The following PGCKA1 variants were observed in gnomAD, a reference collection of about 807,000 sequenced individuals.
The protein encoded by PGCKA1 is PDCD10 and GCKIII kinases associated 1.
At chr4:37,454,280 G>A in the PGCKA1 span, among the ~76,000 whole-genome samples, 13 of 152,086 alleles carry the variant, frequency 8.5e-5, no homozygotes, top group Non-Finnish European at 1.5e-4. Context: ...GGGGGGAGGC[G>A]GACTTTTACA....
the PGCKA1 span, among the ~76,000 whole-genome samples, chr4:37,492,698 C>A: frequency 0.062 from 9,405 of 152,208 alleles, 366 homozygotes; most frequent in Middle Eastern, 0.088. This position sits in a 1 kb window ranked among gnomAD's most constrained non-coding sequence, Gnocchi z 4.7. Flanking sequence ...TGGCCCTCAC[C>A]AAAGGATAAA....
At chr4:37,567,716 G>A in the PGCKA1 span, among the ~76,000 whole-genome samples, 3 of 152,094 alleles carry the variant, frequency 2.0e-5, no homozygotes, top group East Asian at 1.9e-4. Context: ...GGGAGCACCC[G>A]GGTGCCATCA....
chr4:37,455,576 G>A, the PGCKA1 span, among the ~76,000 whole-genome samples: 395 of 152,282 alleles, frequency 2.6e-3, no homozygotes, highest in Non-Finnish European at 4.3e-3. Flanking sequence ...CGGAGATTTA[G>A]ATAAATAATG....
the PGCKA1 span, among the ~76,000 whole-genome samples, chr4:37,538,143 G>T: frequency 6.6e-6 from 1 of 152,042 alleles, no homozygotes; most frequent in Non-Finnish European, 1.5e-5. Context: ...TCTGTTGAGT[G>T]TAACAACTGG....
the PGCKA1 span, chr4:37,590,614 G>A: frequency 9.3e-4 from 1,498 of 1,614,164 alleles, 4 homozygotes; most frequent in Middle Eastern, 4.0e-3. Context: ...ACCAGCCCCA[G>A]ATTACCTTCA....
At chr4:37,459,620 A>G in the PGCKA1 span, among the ~76,000 whole-genome samples, 19 of 152,098 alleles carry the variant, frequency 1.2e-4, no homozygotes, top group Non-Finnish European at 5.9e-5. Context: ...ACCATCTGGG[A>G]GCTTGTTGGA....
the PGCKA1 span, among the ~76,000 whole-genome samples, chr4:37,571,355 C>CATT: frequency 1.0e-4 from 8 of 78,038 alleles, no homozygotes; most frequent in Non-Finnish European, 8.9e-5. Context: ...GACTATTATC[C>CATT]TTTTTTTTTT....
the PGCKA1 span, among the ~76,000 whole-genome samples, chr4:37,536,446 A>G: frequency 6.6e-6 from 1 of 152,152 alleles, no homozygotes; most frequent in Non-Finnish European, 1.5e-5. Context: ...CCTCTAGTTT[A>G]AGGTCTGTCA....
chr4:37,491,348 A>C, the PGCKA1 span, among the ~76,000 whole-genome samples: 1 of 152,340 alleles, frequency 6.6e-6, no homozygotes, highest in East Asian at 1.9e-4. Context: ...CAATTAGAAA[A>C]ATATTCAATT....
the PGCKA1 span, among the ~76,000 whole-genome samples, chr4:37,553,706 G>T: frequency 0.041 from 6,292 of 152,274 alleles, 208 homozygotes; most frequent in East Asian, 0.14. Flanking sequence ...TCGATAAAAT[G>T]TGAGCGTTGT....
the PGCKA1 span, among the ~76,000 whole-genome samples, chr4:37,467,012 C>T: frequency 0.42 from 63,294 of 151,956 alleles, 14,001 homozygotes; most frequent in Non-Finnish European, 0.49. Context: ...GCAGGAGAAT[C>T]GCTTCAACCC....
chr4:37,543,124 A>G, the PGCKA1 span, among the ~76,000 whole-genome samples: 2 of 152,124 alleles, frequency 1.3e-5, no homozygotes, highest in Non-Finnish European at 2.9e-5. Context: ...TTCTCAAACG[A>G]AATCGCTCTT....
At chr4:37,547,614 A>G in the PGCKA1 span, among the ~76,000 whole-genome samples, 2 of 152,308 alleles carry the variant, frequency 1.3e-5, no homozygotes, top group East Asian at 3.9e-4. Flanking sequence ...CCTTGTTTCA[A>G]AGGTATGACC....
chr4:37,465,229 A>G, the PGCKA1 span, among the ~76,000 whole-genome samples: 5 of 152,098 alleles, frequency 3.3e-5, no homozygotes, highest in African/African-American at 1.2e-4. Context: ...TAGTGCCACA[A>G]AAAGCTTTTT....
the PGCKA1 span, among the ~76,000 whole-genome samples, chr4:37,509,912 A>G: frequency 2.1e-5 from 3 of 144,014 alleles, no homozygotes; most frequent in African/African-American, 5.0e-5. Flanking sequence ...AGATGGTGGC[A>G]GTACAGTCCA....
chr4:37,544,057 A>G, the PGCKA1 span, among the ~76,000 whole-genome samples: 1 of 152,140 alleles, frequency 6.6e-6, no homozygotes, highest in African/African-American at 2.4e-5. Context: ...GTAACTTCTG[A>G]TAGCCTGAGA....
the PGCKA1 span, among the ~76,000 whole-genome samples, chr4:37,564,934 T>G: frequency 2.0e-5 from 3 of 149,566 alleles, no homozygotes; most frequent in Admixed American, 1.3e-4. Flanking sequence ...TGCTCCTATC[T>G]GTCTACAAGA....
chr4:37,515,122 T>G, the PGCKA1 span, among the ~76,000 whole-genome samples: 2 of 151,988 alleles, frequency 1.3e-5, no homozygotes, highest in Non-Finnish European at 2.9e-5. Flanking sequence ...GTCATGAGAG[T>G]AAAACCCTCA....
chr4:37,552,265 A>G, the PGCKA1 span, among the ~76,000 whole-genome samples: 1 of 152,216 alleles, frequency 6.6e-6, no homozygotes, highest in African/African-American at 2.4e-5. Context: ...AACCCCTATC[A>G]TGTATCCCCT....
Sources: gnomAD v4.1 joint callset for allele counts (sites outside exome capture counted in the v4.1 genomes callset) on GRCh38, gnomAD v4.1.1 for gene constraint, Gnocchi (gnomAD v3.1) non-coding constraint, MANE v1.5 for transcripts, NCBI Gene and HGNC (gene_info 2026-07-23, HGNC 2026-07-21) for gene names.